Variants in TMEM131 observed in about 807,000 individuals in gnomAD.
The protein encoded by TMEM131 is 2610524E03Rik.
Under a neutral mutation model 211.6 loss-of-function variants are expected in TMEM131, and 66 were observed. The observed-to-expected ratio is 0.31, with a 90% CI of 0.26 to 0.38. The LOEUF is 0.38. Ranked by LOEUF, TMEM131 falls within the 10% of genes least tolerant of loss-of-function variation. The probability of loss-of-function intolerance (pLI) is 1.00; values close to 1 mark genes in which losing one functional copy is unlikely to be tolerated. For missense variants in TMEM131, 2,036 were observed against 2,299.3 expected (o/e 0.89, Z 2.34); for synonymous variants, 844 against 841.3 (o/e 1.00, Z -0.06).
intron 22 of TMEM131, among the ~76,000 whole-genome samples, chr2:97,803,127 A>G (rs1007110160): frequency 6.6e-6 from 1 of 152,250 alleles, no homozygotes; most frequent in Non-Finnish European, 1.5e-5. Flanking sequence ...GCTGGCCTAT[A>G]GTAGATAACC....
rs372197840 is a variant in TMEM131, at chr2:97,805,097, G to A, written c.2393C>T (p.Ser798Leu). ...FKGWTGIKEN[S>L]GHRLSAIFEV... ...AACATAAACCACTCACCTATGACCTGAATTTTCCTTTATTCCTGTCCATCC... is the reference window on the plus strand; with the variant it reads ...AACATAAACCACTCACCTATGACCTAAATTTTCCTTTATTCCTGTCCATCC... Residue 798 changes from serine to leucine, a missense_variant, in exon 22 of 41, where the codon TCA becomes TTA. Transcript: ENST00000186436. The A allele has an allele frequency of 1.9e-6, 3 of 1,610,302 alleles. No homozygotes were observed. The highest frequency in any genetic ancestry group is 2.5e-6 in the Non-Finnish European group (3 of 1,178,324).
chr2:97,809,885 T>C (rs1681475802), intron 18 of TMEM131, 111 bp from the exon 19 acceptor site: 1 of 734,602 alleles, frequency 1.4e-6, no homozygotes, highest in Admixed American at 2.2e-5. Context: ...ATATTGACAA[T>C]AACCAGCTCC....
At chr2:97,882,566 ATACT>A (rs1674979369) in intron 4 of TMEM131, among the ~76,000 whole-genome samples, 1 of 152,184 alleles carries the variant, frequency 6.6e-6, no homozygotes, top group African/African-American at 2.4e-5. Flanking sequence ...TCTTCCCTGG[ATACT>A]TATCTGTGGA....
chr2:97,833,829 T>C (rs1402245276), intron 10 of TMEM131, among the ~76,000 whole-genome samples: 1 of 152,004 alleles, frequency 6.6e-6, no homozygotes, highest in Non-Finnish European at 1.5e-5. Context: ...AGCAGACTTT[T>C]GTATTATTTT....
At chr2:97,981,393 G>A (rs1679790645) in intron 1 of TMEM131, among the ~76,000 whole-genome samples, 1 of 152,156 alleles carries the variant, frequency 6.6e-6, no homozygotes, top group Non-Finnish European at 1.5e-5. Context: ...AATTTTGTTA[G>A]ACACTGTGCC....
chr2:97,818,306 CATAAT>C (rs1354336321), intron 12 of TMEM131, among the ~76,000 whole-genome samples: 1 of 151,882 alleles, frequency 6.6e-6, no homozygotes. Context: ...AATTATAATA[CATAAT>C]ATGTGTAAAA....
chr2:97,762,324 G>A (rs1559342388), intron 35 of TMEM131, 124 bp from the exon 36 acceptor site: 1 of 932,958 alleles, frequency 1.1e-6, no homozygotes, highest in Non-Finnish European at 1.6e-6. Flanking sequence ...ACAAACGAAA[G>A]CTCTTAGATG....
intron 11 of TMEM131, among the ~76,000 whole-genome samples, chr2:97,828,002 G>A (rs1482090396): frequency 1.3e-5 from 2 of 152,128 alleles, no homozygotes; most frequent in African/African-American, 4.8e-5. Flanking sequence ...GGCTCTCTCT[G>A]CCAGAATTGT....
intron 1 of TMEM131, among the ~76,000 whole-genome samples, chr2:97,953,639 G>A (rs1053670967): frequency 6.6e-6 from 1 of 152,018 alleles, no homozygotes; most frequent in African/African-American, 2.4e-5. Context: ...GAAAAGAACT[G>A]AACAACAATC....
chr2:97,811,511 G>A (rs553618403), intron 17 of TMEM131, among the ~76,000 whole-genome samples: 2 of 152,272 alleles, frequency 1.3e-5, no homozygotes, highest in Admixed American at 1.3e-4. Context: ...CTTTACCCAT[G>A]GACCTGTATG....
At chr2:97,975,478 A>T (rs1679489802) in intron 1 of TMEM131, among the ~76,000 whole-genome samples, 1 of 152,054 alleles carries the variant, frequency 6.6e-6, no homozygotes, top group African/African-American at 2.4e-5. Flanking sequence ...AAAAGATAGT[A>T]AGGGAACATT....
chr2:97,913,827 T>C lies in TMEM131; in HGVS notation c.250-5129A>G, dbSNP rs1038264801. Among the ~76,000 whole-genome samples, 133 of 152,166 alleles carry C rather than the reference T, an allele frequency of 8.7e-4. 3 individuals carry two copies. Among genetic ancestry groups the C allele is most frequent in the Non-Finnish European group, 2.4e-4 (16 of 68,026 alleles). On this transcript the variant is annotated intron_variant, in intron 2 of 40. Coordinates refer to ENST00000186436, the MANE Select transcript of TMEM131 (RefSeq NM_015348.2). ...GCAGCACATGCACACAAACCCGTGG[T>C]ACCAGGAAGCCACACCAGGCGCCAT...
chr2:97,773,778 T>G (rs946870160), intron 32 of TMEM131, among the ~76,000 whole-genome samples: 2 of 152,098 alleles, frequency 1.3e-5, no homozygotes, highest in Non-Finnish European at 2.9e-5. Context: ...AATTCTTGTA[T>G]TTTTTTGTAG....
At chr2:97,925,532 G>T (rs919366817) in intron 2 of TMEM131, among the ~76,000 whole-genome samples, 1 of 152,134 alleles carries the variant, frequency 6.6e-6, no homozygotes, top group Non-Finnish European at 1.5e-5. Context: ...ATCTATGGGG[G>T]TTATAATTTA....
At chr2:97,841,049 C>T (rs537590902) in intron 7 of TMEM131, among the ~76,000 whole-genome samples, 3 of 152,218 alleles carry the variant, frequency 2.0e-5, no homozygotes, top group Non-Finnish European at 4.4e-5. Flanking sequence ...CTGTCATTTT[C>T]AAGCTGCTTT....
At chr2:97,889,804 T>C (rs2104270180) in intron 3 of TMEM131, among the ~76,000 whole-genome samples, 1 of 152,266 alleles carries the variant, frequency 6.6e-6, no homozygotes, top group Non-Finnish European at 1.5e-5. Context: ...ATGTTTACTA[T>C]ATGCCAGTTA....
intron 1 of TMEM131, among the ~76,000 whole-genome samples, chr2:97,942,775 T>C (rs1027586149): frequency 2.6e-5 from 4 of 151,812 alleles, no homozygotes; most frequent in African/African-American, 9.7e-5. Flanking sequence ...CTACTAAACA[T>C]TTAAAGAAGA....
rs1679703649 is a variant in TMEM131 at position 97,775,968 on chromosome 2, C to T, written c.4195G>A (p.Glu1399Lys). ...TTTCCCTTTCCCTTCTTCTCCTTTT[C>T]CTCTTGCTTCTTAGGTGGTTTCACC... is the stretch of plus-strand genomic sequence containing the variant. ...RKVKPPKKQEEKEKKGKGKPQ... is the reference protein window; with the variant it reads ...RKVKPPKKQEKKEKKGKGKPQ... Residue 1399 changes from glutamate (E) to lysine (K), a missense_variant, in exon 32 of 41, where the codon GAA (glutamate) becomes AAA (lysine). Around this residue, in one of 3 missense-constraint regions of TMEM131, gnomAD observed 1,623 missense variants for 1,805.9 expected, o/e 0.90. Coordinates refer to ENST00000186436, the MANE Select transcript of TMEM131 (RefSeq NM_015348.2). The T allele has an allele frequency of 1.2e-6, 2 of 1,613,996 alleles. No homozygotes were observed. Among genetic ancestry groups the T allele is most frequent in the Non-Finnish European group, 1.7e-6 (2 of 1,179,896 alleles).
chr2:97,770,925 A>G (rs563563574), intron 33 of TMEM131, among the ~76,000 whole-genome samples: 1 of 152,346 alleles, frequency 6.6e-6, no homozygotes, highest in East Asian at 1.9e-4. Flanking sequence ...AAAATATCTG[A>G]TCACTCACCT....
Sources: allele counts gnomAD v4.1 joint callset (sites outside exome capture counted in the v4.1 genomes callset), GRCh38; gene constraint gnomAD v4.1.1; regional missense constraint gnomAD v4.1.1; transcripts MANE v1.5; gene names NCBI Gene and HGNC (gene_info 2026-07-23, HGNC 2026-07-21).